GPR37L1: variants seen among roughly 807,000 people sequenced by gnomAD.
GPR37L1 encodes G protein-coupled receptor 37-like 1.
In GPR37L1, 18 loss-of-function variants were observed where a neutral mutation model predicts 18.0. That is an observed-to-expected ratio of 1.00 (90% CI 0.69 to 1.49). GPR37L1 has a LOEUF of 1.49. Ranked by LOEUF, GPR37L1 falls within the 40% of genes most tolerant of loss-of-function variation. The pLI is 0.00. For missense variants in GPR37L1, 558 were observed against 615.1 expected, an observed-to-expected ratio of 0.91 and a Z score of 0.98; for synonymous variants, 256 against 273.9, an observed-to-expected ratio of 0.93 and a Z score of 0.65.
Position 202,127,995 on chromosome 1 carries a change from C to G in GPR37L1, c.885C>G (p.Pro295=), listed in dbSNP as rs144820477. 9.9e-5 allele frequency: 159 copies of G among 1,614,018 alleles called. No individual in the cohort carries two copies. The highest frequency in any genetic ancestry group is 1.3e-4 in the Non-Finnish European group (151 of 1,180,034). ...SCIMKPSASL[P]ESLYSLVMTY... ...TCATGAAACCCTCAGCCAGCCTGCC[C>G]GAGTCCCTGTATTCACTGGTGATGA... Residue 295 remains proline (P), a synonymous_variant, in exon 2 of 2, where the codon CCC becomes CCG. Coordinates refer to ENST00000367282, the MANE Select transcript of GPR37L1 (RefSeq NM_004767.5).
At chr1:202,125,024 G>A (rs1426983551) in intron 1 of GPR37L1, among the ~76,000 whole-genome samples, 2 of 152,018 alleles carry the variant, frequency 1.3e-5, no homozygotes, top group Non-Finnish European at 2.9e-5. Context: ...AATTAGCCGG[G>A]TGTGGTGGCA....
In GPR37L1 at chr1:202,128,454, C is replaced by T. The variant is rs538995092; in HGVS notation, c.1344C>T (p.Ala448=). The T allele has an allele frequency of 6.2e-7, 1 of 1,610,192 alleles. No homozygotes were observed. Among genetic ancestry groups the T allele is most frequent in the South Asian group, 1.1e-5 (1 of 90,620 alleles). ...GCGGGGCTTCGGAGGCCTCTGCTGC[C>T]AATGGGTCGGACAACAAGCTCAAGA... is the stretch of plus-strand genomic sequence containing the variant. ...ECGGASEASA[A]NGSDNKLKTE... is the part of the protein sequence containing the mutation. Residue 448 remains alanine, a synonymous_variant, in exon 2 of 2, where the codon GCC becomes GCT. Transcript: ENST00000367282.
intron 1 of GPR37L1, among the ~76,000 whole-genome samples, chr1:202,126,202 G>A (rs1014827912): frequency 1.3e-5 from 2 of 152,178 alleles, no homozygotes; most frequent in Admixed American, 6.5e-5. Flanking sequence ...GAGGTCAGGA[G>A]ATCGAGACCA....
rs1202500884 is a variant in GPR37L1, at chr1:202,123,569, T to C, written c.606T>C (p.Ser202=). 2 of 1,596,484 alleles carry C rather than the reference T, an allele frequency of 1.3e-6. No homozygotes were observed. Among genetic ancestry groups the C allele is most frequent in the African/African-American group, 1.3e-5 (1 of 74,560 alleles). ...AGCAGAGGCTACTGGGTGACGTTTC[T>C]TGTCGTGCCGTGCCCTTCATGGAGG... ...ITKQRLLGDV[S]CRAVPFMEVS... The change falls in exon 1 of 2, where the codon TCT becomes TCC. Residue 202 remains serine (S), a synonymous_variant. Transcript: ENST00000367282.
intron 1 of GPR37L1, among the ~76,000 whole-genome samples, chr1:202,124,145 C>T (rs1654589055): frequency 6.6e-6 from 1 of 152,134 alleles, no homozygotes; most frequent in African/African-American, 2.4e-5. Context: ...AAGCAAAAGA[C>T]CGCTCCGTTC....
chr1:202,125,931 AG>A (rs1200579759), intron 1 of GPR37L1, among the ~76,000 whole-genome samples: 1 of 152,128 alleles, frequency 6.6e-6, no homozygotes. Context: ...CATATTGCCC[AG>A]GCTGATCTCC....
chr1:202,127,307 T>TTCTTTCC (rs72119974), intron 1 of GPR37L1, among the ~76,000 whole-genome samples: 36,035 of 138,474 alleles, frequency 0.26, 5,982 homozygotes, highest in East Asian at 0.37. Context: ...TCCTTCCTTC[T>TTCTTTCC]TTCCTTCCTT....
chr1:202,128,524 C>A lies in GPR37L1; in HGVS notation c.1414C>A (p.Pro472Thr). 6.3e-7 allele frequency: 1 copy of A among 1,587,230 alleles called. No individual in the cohort carries two copies. The highest frequency in any genetic ancestry group is 8.6e-7 in the Non-Finnish European group (1 of 1,164,220). ...CTACTTCCACAAGCCCAGGGAGTCA[C>A]CCCCACTCCTGCCCCTGGGCACACC... ...SIYFHKPRESPPLLPLGTPC is the reference protein window; with the variant it reads ...SIYFHKPRESTPLLPLGTPC Residue 472 changes from proline to threonine, a missense_variant, in exon 2 of 2, where the codon CCC becomes ACC. Pro to Thr is a conservative substitution (Grantham distance 38, BLOSUM62 -1). Transcript: ENST00000367282.
chr1:202,127,609 C>T, intron 1 of GPR37L1, 132 bp from the exon 2 acceptor site: 1 of 671,614 alleles, frequency 1.5e-6, no homozygotes, highest in Non-Finnish European at 2.5e-6. Flanking sequence ...AGTCACCGCA[C>T]CCGGCCCATT....
chr1:202,128,576 A>C lies in GPR37L1; in HGVS notation c.*20A>C. On this transcript the variant is annotated 3_prime_UTR_variant, in exon 2 of 2. Transcript: ENST00000367282. ...TGCTGAGGCCCCAGTAGGGGTGGGG[A>C]GGGAGGGAGAGGCCGCCACCCCCGC... The C allele has an allele frequency of 4.8e-6, 3 of 623,866 alleles. No homozygotes were observed. Among genetic ancestry groups the C allele is most frequent in the Non-Finnish European group, 2.8e-6 (1 of 363,250 alleles). The allele number at this position is 623,866 out of a possible 1,614,324, so 38.6% of individuals were successfully genotyped here.
intron 1 of GPR37L1, among the ~76,000 whole-genome samples, chr1:202,126,727 G>A (rs894419742): frequency 1.3e-5 from 2 of 152,054 alleles, no homozygotes; most frequent in South Asian, 2.1e-4. Flanking sequence ...TTTTCCACGC[G>A]CTTGATGAAT....
rs1654745457 is a variant in GPR37L1, at chr1:202,128,582, G to A, written c.*26G>A. ...GGCCCCAGTAGGGGTGGGGAGGGAG[G>A]GAGAGGCCGCCACCCCCGCCGGTGT... is the stretch of plus-strand genomic sequence containing the variant. On this transcript the variant is annotated 3_prime_UTR_variant, in exon 2 of 2. Coordinates refer to ENST00000367282, the MANE Select transcript of GPR37L1 (RefSeq NM_004767.5). 8.4e-6 allele frequency: 11 copies of A among 1,314,186 alleles called. No homozygotes were observed. The highest frequency in any genetic ancestry group is 1.2e-5 in the Non-Finnish European group (11 of 950,898). 81.4% of individuals were successfully genotyped at this position (1,314,186 alleles called of 1,614,324 possible). A position where few individuals can be genotyped will look rare whatever the true frequency, so the allele number is the denominator to read the frequency against.
intron 1 of GPR37L1, among the ~76,000 whole-genome samples, chr1:202,123,957 C>T (rs901308439): frequency 2.0e-5 from 3 of 152,160 alleles, no homozygotes; most frequent in Non-Finnish European, 4.4e-5. Flanking sequence ...ATACCTCTGT[C>T]CTTTGTTGTG....
Position 202,128,359 on chromosome 1 carries a change from C to T in GPR37L1, c.1249C>T (p.Leu417Phe), listed in dbSNP as rs1485404167. The T allele has an allele frequency of 6.2e-7, 1 of 1,614,232 alleles. No homozygotes were observed. Residue 417 changes from leucine to phenylalanine, a missense_variant, in exon 2 of 2, where the codon CTT becomes TTT. Leu to Phe is a conservative substitution (Grantham distance 22). Transcript: ENST00000367282. Reference sequence around the variant, plus strand: ...GGGCGCCATCACCCCAGTGCTGCTCCTTTGCATCTGCAGGCCGCTGGGCCA... The same window carrying T: ...GGGCGCCATCACCCCAGTGCTGCTCTTTTGCATCTGCAGGCCGCTGGGCCA... ...FKGAITPVLL[L>F]CICRPLGQAF... is the part of the protein sequence containing the mutation.
Position 202,128,571 on chromosome 1 carries a change from T to C in GPR37L1, c.*15T>C, listed in dbSNP as rs766195168. 7.0e-6 allele frequency: 8 copies of C among 1,141,284 alleles called. No individual in the cohort carries two copies. In the South Asian group the frequency reaches 1.0e-4, roughly 15 times the overall value. The allele number at this position is 1,141,284 out of a possible 1,614,324, so 70.7% of individuals were successfully genotyped here. On this transcript the variant is annotated 3_prime_UTR_variant, in exon 2 of 2. Transcript: ENST00000367282. ...CACCTTGCTGAGGCCCCAGTAGGGGTGGGGAGGGAGGGAGAGGCCGCCACC... is the reference window on the plus strand; with the variant it reads ...CACCTTGCTGAGGCCCCAGTAGGGGCGGGGAGGGAGGGAGAGGCCGCCACC...
Position 202,127,863 on chromosome 1 carries a change from G to A in GPR37L1, c.753G>A (p.Lys251=). The A allele has an allele frequency of 1.9e-6, 3 of 1,613,998 alleles. No homozygotes were observed. The highest frequency in any genetic ancestry group is 2.5e-6 in the Non-Finnish European group (3 of 1,180,018). The change falls in exon 2 of 2, where the codon AAG becomes AAA. Residue 251 remains lysine, a synonymous_variant. Coordinates refer to ENST00000367282, the MANE Select transcript of GPR37L1 (RefSeq NM_004767.5). The part of the protein sequence containing the change: ...PIERCQSILA[K]LAVIWVGSMT... ...AGCGGTGCCAATCCATCCTGGCCAA[G>A]TTGGCTGTCATCTGGGTGGGCTCCA...
At position 202,123,311 on chromosome 1, in the gene GPR37L1, C is replaced by A; in HGVS notation, c.348C>A (p.Ile116=). Residue 116 remains isoleucine (I), a synonymous_variant, in exon 1 of 2, where the codon ATC becomes ATA. Transcript: ENST00000367282. The stretch of plus-strand genomic sequence containing the variant: ...GAGCACCAGGGCAGAGGCTACAGAT[C>A]CAGAACCCCCTGTATCCGGTGACCG... ...LTGAPGQRLQ[I]QNPLYPVTES... 1 of 1,614,160 alleles carries A rather than the reference C, an allele frequency of 6.2e-7. No individual in the cohort carries two copies. Among genetic ancestry groups the A allele is most frequent in the Non-Finnish European group, 8.5e-7 (1 of 1,180,024 alleles).
Position 202,123,341 on chromosome 1 carries a change from C to T in GPR37L1, c.378C>T (p.Ser126=). The T allele has an allele frequency of 1.2e-6, 2 of 1,614,204 alleles. No homozygotes were observed. Among genetic ancestry groups the T allele is most frequent in the Non-Finnish European group, 1.7e-6 (2 of 1,180,048 alleles). Residue 126 remains serine (S), a synonymous_variant, in exon 1 of 2, where the codon AGC becomes AGT. Transcript: ENST00000367282. Reference sequence around the variant, plus strand: ...ACCCCCTGTATCCGGTGACCGAGAGCTCCTACAGTGCCTATGCCATCATGC... The same window carrying T: ...ACCCCCTGTATCCGGTGACCGAGAGTTCCTACAGTGCCTATGCCATCATGC... ...IQNPLYPVTE[S]SYSAYAIMLL...
chr1:202,129,762 A>C lies in GPR37L1; in HGVS notation c.*1206A>C, dbSNP rs1418662890. On this transcript the variant is annotated 3_prime_UTR_variant, in exon 2 of 2. Transcript: ENST00000367282. The stretch of plus-strand genomic sequence containing the variant: ...GACCTAAGTCCTCATCCTGGCCTAA[A>C]CCCCATGCTCCTTGGGAAGTCAAAA... The C allele has an allele frequency of 1.3e-5, 2 of 152,264 alleles. No homozygotes were observed. Among genetic ancestry groups the C allele is most frequent in the Non-Finnish European group, 2.9e-5 (2 of 68,116 alleles). The allele number at this position is 152,264 out of a possible 1,614,324, so 9.4% of individuals were successfully genotyped here.
Sources: gnomAD v4.1 joint callset for allele counts (sites outside exome capture counted in the v4.1 genomes callset) on GRCh38, gnomAD v4.1.1 for gene constraint, MANE v1.5 for transcripts, NCBI Gene and HGNC (gene_info 2026-07-23, HGNC 2026-07-21) for gene names.